The following WDR7 variants were observed in gnomAD, a reference collection of about 807,000 sequenced individuals.
WDR7 encodes the protein WD repeat-containing protein 7.
Under a neutral mutation model 169.4 loss-of-function variants are expected in WDR7, and 46 were observed. The observed-to-expected ratio is 0.27, with a 90% confidence interval of 0.21 to 0.35. The LOEUF is 0.35. WDR7 is among the 10% of genes least tolerant of loss of function. WDR7 has a pLI of 1.00. For synonymous variants in WDR7, 612 were observed against 666.8 expected (o/e 0.92, Z 1.27); for missense variants, 1,534 against 1,859.3 (o/e 0.83, Z 3.22).
chr18:56,732,364 T>G (rs1327994778), intron 14 of WDR7, among the ~76,000 whole-genome samples: 1 of 152,190 alleles, frequency 6.6e-6, no homozygotes, highest in Non-Finnish European at 1.5e-5. Context: ...AAAATTCTAG[T>G]TCCATCTAAA....
At chr18:56,847,330 G>A (rs1247020461) in intron 20 of WDR7, among the ~76,000 whole-genome samples, 2 of 152,178 alleles carry the variant, frequency 1.3e-5, no homozygotes, top group Non-Finnish European at 2.9e-5. Context: ...TCAAATAGTG[G>A]CCTGGCTGCT....
intron 20 of WDR7, among the ~76,000 whole-genome samples, chr18:56,864,756 G>A (rs1252464564): frequency 1.3e-5 from 2 of 151,840 alleles, no homozygotes; most frequent in African/African-American, 2.4e-5. Flanking sequence ...GATATGAATA[G>A]CATTGATAAA....
intron 19 of WDR7, among the ~76,000 whole-genome samples, chr18:56,811,407 G>A (rs548568413): frequency 1.3e-5 from 2 of 152,208 alleles, no homozygotes; most frequent in African/African-American, 4.8e-5. Context: ...CTTGTTGGAC[G>A]TGTGATTTGT....
At position 56,672,473 on chromosome 18, in the gene WDR7, T is replaced by C. The variant is rs201415275; in HGVS notation, c.-19-24T>C. 114 of 1,435,868 alleles carry C rather than the reference T, an allele frequency of 7.9e-5. 1 individual carries two copies. In the Admixed American group the frequency reaches 1.3e-3, roughly 17 times the overall value. The allele number at this position is 1,435,868 out of a possible 1,614,324, so 88.9% of individuals were successfully genotyped here. On this transcript the variant is annotated intron_variant, in intron 1 of 27. Coordinates refer to ENST00000254442, the MANE Select transcript of WDR7 (RefSeq NM_015285.3). ...TTTTCGAGAGAAATATTGTAATATCTGACAATTTTTATAACATTTTCAGGT... is the reference window on the plus strand; with the variant it reads ...TTTTCGAGAGAAATATTGTAATATCCGACAATTTTTATAACATTTTCAGGT...
At chr18:56,834,416 T>G (rs551107273) in intron 20 of WDR7, among the ~76,000 whole-genome samples, 1 of 152,248 alleles carries the variant, frequency 6.6e-6, no homozygotes, top group African/African-American at 2.4e-5. Context: ...TACACACCTA[T>G]CCAGTTGTGG....
chr18:56,872,095 T>C (rs965320805), intron 20 of WDR7, among the ~76,000 whole-genome samples: 25 of 152,110 alleles, frequency 1.6e-4, no homozygotes, highest in African/African-American at 5.6e-4. Context: ...TATGGCTCAA[T>C]AGCACATATA....
At chr18:57,022,039 T>C (rs768979306) in intron 27 of WDR7, among the ~76,000 whole-genome samples, 13 of 152,236 alleles carry the variant, frequency 8.5e-5, no homozygotes, top group Non-Finnish European at 1.3e-4. Context: ...CCAGAATATA[T>C]CTCCAGCATC....
At chr18:56,988,869 A>C (rs899978813) in intron 26 of WDR7, among the ~76,000 whole-genome samples, 7 of 152,126 alleles carry the variant, frequency 4.6e-5, no homozygotes, top group Admixed American at 2.0e-4. Flanking sequence ...ATGGAGAAAA[A>C]TGTTAGTTTT....
intron 26 of WDR7, among the ~76,000 whole-genome samples, chr18:56,995,994 TC>T (rs2047894333): frequency 6.6e-6 from 1 of 152,170 alleles, no homozygotes; most frequent in Admixed American, 6.6e-5. Flanking sequence ...TTGTTTTTTT[TC>T]AGGCGTAATG....
At chr18:56,946,519 C>T (rs750583043) in intron 25 of WDR7, among the ~76,000 whole-genome samples, 2 of 152,146 alleles carry the variant, frequency 1.3e-5, no homozygotes, top group Non-Finnish European at 2.9e-5. Flanking sequence ...TTGCCTTGGG[C>T]ATTAAGCAGT....
At chr18:56,743,518 G>A (rs1037928516) in intron 14 of WDR7, among the ~76,000 whole-genome samples, 1 of 152,152 alleles carries the variant, frequency 6.6e-6, no homozygotes, top group Non-Finnish European at 1.5e-5. Context: ...AATCACTTGT[G>A]TCAAATGCAG....
chr18:56,992,656 T>C lies in WDR7; in HGVS notation c.4165-28089T>C, dbSNP rs8087392. On this transcript the variant is annotated intron_variant, in intron 26 of 27. Transcript: ENST00000254442. ...AACTATTCCAGGTAAAAGATAGTAA[T>C]TATTTTGAAAAATGATGTAATGCAA... Among the ~76,000 whole-genome samples, 1,249 of 152,320 alleles carry C rather than the reference T, an allele frequency of 8.2e-3. 14 individuals carry two copies. The highest frequency in any genetic ancestry group is 0.029 in the African/African-American group (1,187 of 41,580).
chr18:56,726,703 G>A (rs1469165501), intron 13 of WDR7, among the ~76,000 whole-genome samples: 1 of 151,970 alleles, frequency 6.6e-6, no homozygotes, highest in African/African-American at 2.4e-5. Flanking sequence ...GATCCTTTTG[G>A]GTCTTGCCTT....
chr18:56,976,050 G>A (rs1234829787), intron 26 of WDR7, among the ~76,000 whole-genome samples: 3 of 152,190 alleles, frequency 2.0e-5, no homozygotes, highest in African/African-American at 7.2e-5. Context: ...AATTTTGGAA[G>A]GTCGGTGTGC....
At chr18:56,883,525 T>G (rs1429732331) in intron 21 of WDR7, among the ~76,000 whole-genome samples, 1 of 151,908 alleles carries the variant, frequency 6.6e-6, no homozygotes, top group Non-Finnish European at 1.5e-5. Flanking sequence ...TTTTTAAATT[T>G]CAATAGGTTT....
chr18:57,007,459 T>C (rs1425526455), intron 26 of WDR7, among the ~76,000 whole-genome samples: 1 of 152,200 alleles, frequency 6.6e-6, no homozygotes, highest in Non-Finnish European at 1.5e-5. Context: ...GGCAAGTATT[T>C]GTAGATTAAA....
At chr18:56,955,351 C>G (rs2047236478) in intron 25 of WDR7, among the ~76,000 whole-genome samples, 1 of 152,034 alleles carries the variant, frequency 6.6e-6, no homozygotes, top group African/African-American at 2.4e-5. Context: ...TATTCCATTT[C>G]ACTGTATAAC....
chr18:56,801,823 G>A (rs1266834081), intron 19 of WDR7, among the ~76,000 whole-genome samples: 1 of 152,160 alleles, frequency 6.6e-6, no homozygotes, highest in African/African-American at 2.4e-5. Flanking sequence ...TTATGTGGCT[G>A]TACCAAAGTA....
intron 21 of WDR7, among the ~76,000 whole-genome samples, chr18:56,899,589 C>A (rs540408935): frequency 9.9e-4 from 150 of 152,138 alleles, no homozygotes; most frequent in African/African-American, 3.4e-3. Context: ...TTCTTCTGCA[C>A]ATGCCCATTG....
Sources: gnomAD v4.1 joint callset for allele counts (sites outside exome capture counted in the v4.1 genomes callset) on GRCh38, gnomAD v4.1.1 for gene constraint, MANE v1.5 for transcripts, NCBI Gene and HGNC (gene_info 2026-07-23, HGNC 2026-07-21) for gene names.